Variants in TENM1 observed in about 807,000 individuals in gnomAD.
TENM1 encodes the protein teneurin transmembrane protein 1.
A neutral mutation model predicts 174.8 loss-of-function variants in TENM1; 35 were observed. The ratio of observed to expected loss-of-function variants is 0.20; its 90% CI spans 0.15 to 0.27. The LOEUF (loss-of-function observed/expected upper bound fraction) is 0.27. Ranked by LOEUF, TENM1 falls within the 10% of genes least tolerant of loss-of-function variation. The pLI is 1.00. For missense variants in TENM1, 1,633 were observed against 2,130.1 expected, an observed-to-expected ratio of 0.77 and a Z score of 4.59; for synonymous variants, 781 against 798.7, an observed-to-expected ratio of 0.98 and a Z score of 0.37.
intron 11 of TENM1, among the ~76,000 whole-genome samples, chrX:124,629,517 G>A (rs1352102925): frequency 8.9e-6 from 1 of 112,381 alleles, no homozygotes; most frequent in Non-Finnish European, 1.9e-5. Context: ...GCCAACAATA[G>A]CTACAATCTA....
rs188960595 is a variant in TENM1, at chrX:124,528,868, A to T, written c.2771+996T>A. Among the ~76,000 whole-genome samples the T allele has an allele frequency of 1.6e-3, 181 of 111,306 alleles. 1 individual carries two copies. The highest frequency in any genetic ancestry group is 0.016 in the Admixed American group (169 of 10,437). On this transcript the variant is annotated intron_variant, in intron 16 of 31. Coordinates refer to ENST00000422452, the Ensembl canonical transcript of TENM1. ...CTTAAGTAGGCTAAAACTCTTTCTTATTATCTTTTTAAACTAATTTTTTAT... is the reference window on the plus strand; with the variant it reads ...CTTAAGTAGGCTAAAACTCTTTCTTTTTATCTTTTTAAACTAATTTTTTAT...
chrX:125,047,939 G>A, the TENM1 span, among the ~76,000 whole-genome samples: 1 of 111,245 alleles, frequency 9.0e-6, no homozygotes, highest in East Asian at 2.9e-4. Context: ...AGTCAAGAGG[G>A]TCAGGAGGAA....
intron 3 of TENM1, among the ~76,000 whole-genome samples, chrX:124,748,618 T>C (rs757347848): frequency 8.9e-6 from 1 of 111,761 alleles, no homozygotes. Flanking sequence ...GTGAATCAAG[T>C]GTAGAGTACT....
At chrX:125,001,852 TACACAC>T in the TENM1 span, among the ~76,000 whole-genome samples, 1,041 of 84,894 alleles carry the variant, frequency 0.012, 6 homozygotes, top group African/African-American at 0.03. Context: ...TATAGATAGA[TACACAC>T]ACACACACAC....
intron 3 of TENM1, among the ~76,000 whole-genome samples, chrX:124,752,271 T>C (rs1275070841): frequency 8.9e-6 from 1 of 112,326 alleles, no homozygotes; most frequent in Non-Finnish European, 1.9e-5. Context: ...CATGTGTCTT[T>C]TGGCTGCATA....
chrX:124,969,956 A>G, the TENM1 span, among the ~76,000 whole-genome samples: 1 of 111,996 alleles, frequency 8.9e-6, no homozygotes, highest in African/African-American at 3.2e-5. Flanking sequence ...TGATGAGTAT[A>G]AAGACCATGT....
chrX:124,743,380 C>T (rs972153073), intron 3 of TENM1, among the ~76,000 whole-genome samples: 11 of 111,575 alleles, frequency 9.9e-5, no homozygotes, highest in South Asian at 7.5e-4. Context: ...AAAGTCCATT[C>T]GATAGGTAAT....
the TENM1 span, among the ~76,000 whole-genome samples, chrX:125,028,455 T>G: frequency 5.4e-5 from 6 of 112,006 alleles, no homozygotes; most frequent in Non-Finnish European, 1.1e-4. Flanking sequence ...CTACATGTTC[T>G]TTCTTATAAG....
intron 18 of TENM1, among the ~76,000 whole-genome samples, chrX:124,519,546 A>G (rs1395748118): frequency 2.7e-5 from 3 of 110,953 alleles, no homozygotes; most frequent in African/African-American, 9.8e-5. Context: ...AGAGCTTTAA[A>G]ATAATCTTCT....
the TENM1 span, among the ~76,000 whole-genome samples, chrX:124,992,724 C>T: frequency 9.0e-6 from 1 of 110,880 alleles, no homozygotes; most frequent in East Asian, 2.9e-4. Flanking sequence ...ACAGACAGAC[C>T]ATGCTGGGCT....
chrX:124,828,509 C>T (rs1259497905), intron 3 of TENM1, among the ~76,000 whole-genome samples: 1 of 112,260 alleles, frequency 8.9e-6, no homozygotes, highest in African/African-American at 3.2e-5. Context: ...TCCACCTGCC[C>T]TTTTATCAAC....
At chrX:124,677,400 T>C (rs1456110837) in intron 5 of TENM1, among the ~76,000 whole-genome samples, 2 of 111,537 alleles carry the variant, frequency 1.8e-5, no homozygotes, top group East Asian at 2.8e-4. Context: ...AACTCTGTGA[T>C]TGGTAGTCAG....
chrX:125,183,997 T>A, the TENM1 span, among the ~76,000 whole-genome samples: 1 of 111,480 alleles, frequency 9.0e-6, no homozygotes, highest in Non-Finnish European at 1.9e-5. Flanking sequence ...ATGCTCAGAG[T>A]GAAGAAGTGA....
At chrX:125,049,739 A>G in the TENM1 span, among the ~76,000 whole-genome samples, 1 of 111,199 alleles carries the variant, frequency 9.0e-6, no homozygotes, top group Non-Finnish European at 1.9e-5. Context: ...GTGACATAGT[A>G]TCTCTTCTTG....
intron 11 of TENM1, among the ~76,000 whole-genome samples, chrX:124,599,018 A>G (rs778257599): frequency 7.2e-5 from 8 of 111,624 alleles, no homozygotes; most frequent in Non-Finnish European, 1.1e-4. Context: ...TTTGCATCCC[A>G]TAAATATATA....
At chrX:125,155,083 G>A in the TENM1 span, among the ~76,000 whole-genome samples, 1 of 111,599 alleles carries the variant, frequency 9.0e-6, no homozygotes, top group African/African-American at 3.3e-5. Flanking sequence ...CTGATTGGTA[G>A]AGCCCAGTGG....
At chrX:124,596,145 T>A (rs1447268822) in intron 11 of TENM1, among the ~76,000 whole-genome samples, 1 of 112,327 alleles carries the variant, frequency 8.9e-6, no homozygotes, top group Non-Finnish European at 1.9e-5. Context: ...AAGCGATTTC[T>A]GAATGACACA....
chrX:124,646,302 A>G (rs946695646), intron 9 of TENM1, among the ~76,000 whole-genome samples: 5 of 112,214 alleles, frequency 4.5e-5, no homozygotes, highest in Admixed American at 1.9e-4. Flanking sequence ...GCAGTTATCA[A>G]CTTAGTTCAC....
chrX:124,380,328 C>T (rs890007244), exon 32 of TENM1: 1 of 370,217 alleles, frequency 2.7e-6, no homozygotes, highest in African/African-American at 2.6e-5. Context: ...AATACTGCCA[C>T]ACAAGAACTA....
Sources: gnomAD v4.1 joint callset for allele counts (sites outside exome capture counted in the v4.1 genomes callset) on GRCh38, gnomAD v4.1.1 for gene constraint, MANE v1.5 for transcripts, NCBI Gene and HGNC (gene_info 2026-07-23, HGNC 2026-07-21) for gene names.